The following CNTNAP5 variants were observed in gnomAD, a reference collection of about 807,000 sequenced individuals.
CNTNAP5 encodes the protein contactin-associated protein-like 5.
A neutral mutation model predicts 150.2 loss-of-function variants in CNTNAP5; 72 were observed. The ratio of observed to expected loss-of-function variants is 0.48; its 90% CI spans 0.40 to 0.58. CNTNAP5 has a LOEUF of 0.58. CNTNAP5 is among the 20% of genes least tolerant of loss of function. CNTNAP5 has a pLI of 0.00. For missense variants in CNTNAP5, 1,636 were observed against 1,626.2 expected (o/e 1.01, Z -0.10); for synonymous variants, 672 against 619.8 (o/e 1.08, Z -1.25).
At chr2:124,410,412 T>C (rs1345732427) in intron 3 of CNTNAP5, among the ~76,000 whole-genome samples, 1 of 151,254 alleles carries the variant, frequency 6.6e-6, no homozygotes, top group Non-Finnish European at 1.5e-5. Context: ...CCACCCCAAA[T>C]CAACAGAATA....
chr2:124,866,458 G>A (rs1677634915), intron 20 of CNTNAP5, among the ~76,000 whole-genome samples: 1 of 152,138 alleles, frequency 6.6e-6, no homozygotes, highest in Non-Finnish European at 1.5e-5. Flanking sequence ...GCATGTGGTG[G>A]AAGCAGGCAC....
intron 1 of CNTNAP5, among the ~76,000 whole-genome samples, chr2:124,147,179 A>T (rs1684274655): frequency 1.3e-5 from 2 of 152,186 alleles, no homozygotes; most frequent in South Asian, 4.1e-4. Flanking sequence ...GTAGCATTTG[A>T]ATAAAGTCTT....
At chr2:124,776,828 G>A (rs896048579) in intron 17 of CNTNAP5, among the ~76,000 whole-genome samples, 1 of 152,016 alleles carries the variant, frequency 6.6e-6, no homozygotes, top group African/African-American at 2.4e-5. Context: ...GACATCAACG[G>A]TGAAACAAAA....
chr2:124,771,030 G>GCT (rs1371329198), intron 16 of CNTNAP5, among the ~76,000 whole-genome samples: 1 of 152,080 alleles, frequency 6.6e-6, no homozygotes, highest in Non-Finnish European at 1.5e-5. Context: ...TTAGGCCAGG[G>GCT]CTCGGTAGAA....
At chr2:124,386,161 C>A (rs1690921810) in intron 3 of CNTNAP5, among the ~76,000 whole-genome samples, 1 of 152,124 alleles carries the variant, frequency 6.6e-6, no homozygotes, top group African/African-American at 2.4e-5. Flanking sequence ...GAACCAAATG[C>A]CTGCCTTTGT....
intron 17 of CNTNAP5, among the ~76,000 whole-genome samples, chr2:124,783,159 T>C (rs547293433): frequency 6.7e-4 from 102 of 152,320 alleles, no homozygotes; most frequent in African/African-American, 2.1e-3. Flanking sequence ...ATTCTGTCTT[T>C]TGTTCTGGTT....
intron 10 of CNTNAP5, among the ~76,000 whole-genome samples, chr2:124,541,081 C>T (rs1695370210): frequency 6.6e-6 from 1 of 151,786 alleles, no homozygotes; most frequent in South Asian, 2.1e-4. Context: ...TTCTAAGAAC[C>T]TCTGGCTGAT....
intron 18 of CNTNAP5, among the ~76,000 whole-genome samples, chr2:124,791,651 A>G (rs567289891): frequency 2.8e-4 from 42 of 152,022 alleles, no homozygotes; most frequent in African/African-American, 9.9e-4. Context: ...GACATTATTC[A>G]AAGATCTCGT....
chr2:124,807,933 G>A (rs1269866959), intron 19 of CNTNAP5, among the ~76,000 whole-genome samples: 3 of 152,184 alleles, frequency 2.0e-5, no homozygotes, highest in African/African-American at 7.2e-5. Flanking sequence ...GAAGGAACTT[G>A]CCACAGATCT....
chr2:124,456,023 C>A (rs951036113), intron 6 of CNTNAP5, among the ~76,000 whole-genome samples: 1 of 152,114 alleles, frequency 6.6e-6, no homozygotes, highest in African/African-American at 2.4e-5. Context: ...GATGCCCGCT[C>A]TCACCACTCC....
chr2:124,425,911 A>G (rs1692227928), intron 4 of CNTNAP5, among the ~76,000 whole-genome samples: 1 of 152,174 alleles, frequency 6.6e-6, no homozygotes, highest in Non-Finnish European at 1.5e-5. Flanking sequence ...GAATAAAATG[A>G]TACCTACTAT....
chr2:124,240,157 A>C (rs1425405912), intron 2 of CNTNAP5, among the ~76,000 whole-genome samples: 1 of 152,194 alleles, frequency 6.6e-6, no homozygotes, highest in African/African-American at 2.4e-5. Context: ...ATATTTATTC[A>C]AGTAGACAAA....
intron 4 of CNTNAP5, among the ~76,000 whole-genome samples, chr2:124,431,525 ATATAAAATTTCTT>A: frequency 3.4e-5 from 5 of 146,114 alleles, no homozygotes; most frequent in African/African-American, 9.9e-5. Flanking sequence ...ATATATATAT[ATATAAAATTTCTT>A]TATATAAATA....
intron 1 of CNTNAP5, among the ~76,000 whole-genome samples, chr2:124,103,959 T>C (rs1683117849): frequency 6.8e-6 from 1 of 147,656 alleles, no homozygotes; most frequent in African/African-American, 2.5e-5. Context: ...TATATGTTAT[T>C]AAAATATAGT....
At chr2:124,877,278 A>C (rs1392091347) in intron 21 of CNTNAP5, among the ~76,000 whole-genome samples, 1 of 152,082 alleles carries the variant, frequency 6.6e-6, no homozygotes, top group East Asian at 1.9e-4. Flanking sequence ...CATGCCCTTG[A>C]GTTACTCATT....
intron 1 of CNTNAP5, among the ~76,000 whole-genome samples, chr2:124,066,995 A>T (rs1402024438): frequency 3.3e-5 from 5 of 152,152 alleles, no homozygotes; most frequent in African/African-American, 7.2e-5. Context: ...ACTCTTCAAG[A>T]CCACATTGCA....
intron 1 of CNTNAP5, among the ~76,000 whole-genome samples, chr2:124,085,669 A>G (rs1351322885): frequency 1.3e-5 from 2 of 152,162 alleles, no homozygotes; most frequent in African/African-American, 2.4e-5. Flanking sequence ...GCATTATTTT[A>G]GACATATGTA....
chr2:124,307,035 C>T (rs912756150), intron 3 of CNTNAP5, among the ~76,000 whole-genome samples: 1 of 151,998 alleles, frequency 6.6e-6, no homozygotes, highest in African/African-American at 2.4e-5. Context: ...GCCTGGTTTC[C>T]CATCTAATTC....
chr2:124,550,566 G>C (rs1168671364), intron 10 of CNTNAP5, among the ~76,000 whole-genome samples: 1 of 152,050 alleles, frequency 6.6e-6, no homozygotes, highest in Non-Finnish European at 1.5e-5. Context: ...TCATAATCAT[G>C]ATGCTGAACA....
Sources: allele counts gnomAD v4.1 joint callset (sites outside exome capture counted in the v4.1 genomes callset), GRCh38; gene constraint gnomAD v4.1.1; transcripts MANE v1.5; gene names NCBI Gene and HGNC (gene_info 2026-07-23, HGNC 2026-07-21).